CTNND2: variants seen among roughly 807,000 people sequenced by gnomAD.
CTNND2 encodes the protein catenin delta 2.
CTNND2 carries 22 observed loss-of-function variants against 144.4 expected under a neutral mutation model. The observed-to-expected ratio is 0.15, with a 90% confidence interval of 0.11 to 0.22. The LOEUF (loss-of-function observed/expected upper bound fraction) is 0.22. CTNND2 is among the 10% of genes least tolerant of loss of function. The probability of loss-of-function intolerance (pLI) is 1.00; values close to 1 mark genes in which losing one functional copy is unlikely to be tolerated. For missense variants in CTNND2, 1,353 were observed against 1,618.8 expected (o/e 0.84, Z 2.82); for synonymous variants, 751 against 695.6 (o/e 1.08, Z -1.25).
At chr5:11,178,179 C>A (rs566857247) in intron 11 of CTNND2, among the ~76,000 whole-genome samples, 1 of 152,242 alleles carries the variant, frequency 6.6e-6, no homozygotes, top group Non-Finnish European at 1.5e-5. Context: ...TACTGTCACC[C>A]ATGATGACTC....
chr5:11,186,280 T>A (rs1735617519), intron 11 of CTNND2, among the ~76,000 whole-genome samples: 2 of 152,204 alleles, frequency 1.3e-5, no homozygotes, highest in Admixed American at 1.3e-4. Context: ...AAGGTTCTGA[T>A]GAAACTTCAC....
At chr5:11,462,209 A>T (rs1470520433) in intron 3 of CTNND2, among the ~76,000 whole-genome samples, 1 of 152,044 alleles carries the variant, frequency 6.6e-6, no homozygotes, top group African/African-American at 2.4e-5. Context: ...CCTGGCCAAG[A>T]GCAAAGACTG....
intron 2 of CTNND2, among the ~76,000 whole-genome samples, chr5:11,617,602 G>T (rs1411856145): frequency 6.6e-6 from 1 of 152,130 alleles, no homozygotes; most frequent in African/African-American, 2.4e-5. Flanking sequence ...ATACAAAAAT[G>T]AATATTAAAT....
At chr5:11,289,905 G>C (rs1212437753) in intron 9 of CTNND2, among the ~76,000 whole-genome samples, 1 of 152,162 alleles carries the variant, frequency 6.6e-6, no homozygotes, top group Non-Finnish European at 1.5e-5. Context: ...GCTCGGCTGG[G>C]GCAAGGTGCT....
intron 3 of CTNND2, among the ~76,000 whole-genome samples, chr5:11,552,253 CTA>C (rs922531264): frequency 3.3e-5 from 5 of 152,218 alleles, no homozygotes; most frequent in African/African-American, 9.6e-5. Context: ...GTGTGAAACA[CTA>C]TTCCAGTTCC....
At chr5:11,204,244 G>A (rs1314390082) in intron 10 of CTNND2, among the ~76,000 whole-genome samples, 2 of 152,174 alleles carry the variant, frequency 1.3e-5, no homozygotes, top group African/African-American at 4.8e-5. Context: ...TTTACAGTGA[G>A]GGCATTCTTG....
At chr5:11,283,897 C>A (rs903568653) in intron 9 of CTNND2, among the ~76,000 whole-genome samples, 1 of 152,166 alleles carries the variant, frequency 6.6e-6, no homozygotes. Context: ...CCATGCAATG[C>A]GGACCTTGTG....
intron 2 of CTNND2, among the ~76,000 whole-genome samples, chr5:11,651,944 T>C (rs1388938108): frequency 6.6e-6 from 1 of 152,204 alleles, no homozygotes; most frequent in African/African-American, 2.4e-5. Context: ...GATGCGACTT[T>C]GGACCGTGAA....
chr5:11,448,399 A>T (rs550975811), intron 3 of CTNND2, among the ~76,000 whole-genome samples: 1 of 152,334 alleles, frequency 6.6e-6, no homozygotes, highest in East Asian at 1.9e-4. Flanking sequence ...TGCTACATCC[A>T]TCCTTACCCA....
Position 11,384,503 on chromosome 5 carries a change from T to A in CTNND2, c.1177+162A>T, listed in dbSNP as rs1581076032. The A allele has an allele frequency of 3.2e-6, 2 of 630,198 alleles. No homozygotes were observed. The highest frequency in any genetic ancestry group is 1.8e-5 in the African/African-American group (1 of 54,394). The allele number at this position is 630,198 out of a possible 1,614,324, so 39.0% of individuals were successfully genotyped here. On this transcript the variant is annotated intron_variant, in intron 7 of 21. Coordinates refer to ENST00000304623, the MANE Select transcript of CTNND2 (RefSeq NM_001332.4). This position sits in a 1 kb window ranked among gnomAD's most constrained non-coding sequence, Gnocchi z 5.2. Reference sequence around the variant, plus strand: ...AGTCACTGACAAACTGTAGGGAAGATACTGACTTGTTCCAGGAAAGCCCTG... The same window carrying A: ...AGTCACTGACAAACTGTAGGGAAGAAACTGACTTGTTCCAGGAAAGCCCTG...
intron 9 of CTNND2, among the ~76,000 whole-genome samples, chr5:11,240,599 A>ACCCAACACACACAC (rs1742267114): frequency 1.5e-5 from 2 of 136,290 alleles, no homozygotes; most frequent in African/African-American, 5.6e-5. Flanking sequence ...CAGCACACAC[A>ACCCAACACACACAC]CCCAACACAC....
intron 3 of CTNND2, among the ~76,000 whole-genome samples, chr5:11,448,388 G>A (rs1270624937): frequency 6.6e-6 from 1 of 152,036 alleles, no homozygotes; most frequent in Non-Finnish European, 1.5e-5. Context: ...GCCAATAAAT[G>A]TGCTACATCC....
chr5:11,716,115 G>A (rs947841243), intron 2 of CTNND2, among the ~76,000 whole-genome samples: 1 of 152,144 alleles, frequency 6.6e-6, no homozygotes, highest in Non-Finnish European at 1.5e-5. Flanking sequence ...TGGGGTATCT[G>A]GACTATTCAC....
At chr5:11,408,909 T>C (rs988934196) in intron 5 of CTNND2, among the ~76,000 whole-genome samples, 5 of 152,200 alleles carry the variant, frequency 3.3e-5, no homozygotes, top group East Asian at 1.9e-4. Flanking sequence ...CTGGCATTTA[T>C]TTATCTTTGA....
chr5:11,225,193 C>T (rs1009057087), intron 10 of CTNND2, among the ~76,000 whole-genome samples: 2 of 152,062 alleles, frequency 1.3e-5, no homozygotes, highest in African/African-American at 2.4e-5. Flanking sequence ...GTATTGCAAC[C>T]CCTGAACAGC....
chr5:11,182,194 A>ATGTG (rs371177582), intron 11 of CTNND2, among the ~76,000 whole-genome samples: 1 of 98,898 alleles, frequency 1.0e-5, no homozygotes, highest in Non-Finnish European at 2.1e-5. Flanking sequence ...TGTGTGGGGT[A>ATGTG]TGTGTGTGTG....
chr5:11,900,270 T>A (rs1737753739), intron 1 of CTNND2, among the ~76,000 whole-genome samples: 1 of 152,196 alleles, frequency 6.6e-6, no homozygotes, highest in Non-Finnish European at 1.5e-5. Context: ...TACAAATCAA[T>A]TAACCATGAT....
intron 11 of CTNND2, among the ~76,000 whole-genome samples, chr5:11,183,414 A>C (rs1349005052): frequency 1.3e-5 from 2 of 152,230 alleles, no homozygotes; most frequent in Non-Finnish European, 2.9e-5. Flanking sequence ...TTGGCTGTGC[A>C]TAAGTGATTA....
At chr5:11,644,845 C>T (rs961054415) in intron 2 of CTNND2, among the ~76,000 whole-genome samples, 6 of 151,976 alleles carry the variant, frequency 3.9e-5, no homozygotes, top group Non-Finnish European at 5.9e-5. Flanking sequence ...GAAAATAAAC[C>T]TATTTTAATT....
Sources: allele counts gnomAD v4.1 joint callset (sites outside exome capture counted in the v4.1 genomes callset), GRCh38; gene constraint gnomAD v4.1.1; non-coding constraint Gnocchi (gnomAD v3.1); transcripts MANE v1.5; gene names NCBI Gene and HGNC (gene_info 2026-07-23, HGNC 2026-07-21).